MMP26: variants seen among roughly 807,000 people sequenced by gnomAD.
MMP26 encodes the protein matrix metallopeptidase 26, also known as matrix metalloproteinase-26.
In MMP26, 33 loss-of-function variants were observed where a neutral mutation model predicts 31.0. That is an observed-to-expected ratio of 1.06 (90% CI 0.81 to 1.42). The LOEUF is 1.42. Ranked by LOEUF, MMP26 falls within the 40% of genes most tolerant of loss-of-function variation. The pLI is 0.00. For missense variants in MMP26, 347 were observed against 316.1 expected, an observed-to-expected ratio of 1.10 and a Z score of -0.74; for synonymous variants, 122 against 114.9, an observed-to-expected ratio of 1.06 and a Z score of -0.40.
intron 2 of MMP26, among the ~76,000 whole-genome samples, chr11:4,808,663 A>G (rs1036288691): frequency 6.6e-6 from 1 of 151,780 alleles, no homozygotes; most frequent in Non-Finnish European, 1.5e-5. Flanking sequence ...CTGACTCCCC[A>G]GTAGGCTTTT....
chr11:4,786,978 GA>G (rs1848955989), intron 2 of MMP26: 1 of 152,926 alleles, frequency 6.5e-6, no homozygotes, highest in South Asian at 2.1e-4. Flanking sequence ...ACCTGGGGCT[GA>G]CCCTCTCCAC....
chr11:4,971,671 G>T (rs1846667870), intron 2 of MMP26, among the ~76,000 whole-genome samples: 1 of 152,116 alleles, frequency 6.6e-6, no homozygotes. Flanking sequence ...TTGCTGTAAA[G>T]GAAAATGTCT....
chr11:4,991,866 G>A (rs761350128), intron 6 of MMP26, 98 bp from the exon 7 acceptor site: 60 of 1,168,622 alleles, frequency 5.1e-5, no homozygotes, highest in South Asian at 1.3e-4. Context: ...CCCTTTCCTC[G>A]TTTTCTGTTC....
intron 2 of MMP26, among the ~76,000 whole-genome samples, chr11:4,786,493 CTTTTTTTT>C (rs66987352): frequency 1.7e-5 from 1 of 60,368 alleles, no homozygotes; most frequent in African/African-American, 6.8e-5. Flanking sequence ...TCTGCTGATC[CTTTTTTTT>C]TTTTTTTTTT....
intron 2 of MMP26, among the ~76,000 whole-genome samples, chr11:4,986,836 T>TTGAACAGC (rs1846897603): frequency 1.3e-5 from 2 of 148,854 alleles, no homozygotes; most frequent in Admixed American, 6.7e-5. Context: ...CCTGGCCTAG[T>TTGAACAGC]TGAACAGCTT....
chr11:4,901,925 A>T (rs1850808686), intron 2 of MMP26, among the ~76,000 whole-genome samples: 1 of 152,198 alleles, frequency 6.6e-6, no homozygotes. Flanking sequence ...TAGAAGATGG[A>T]AGAGAATATA....
chr11:4,707,779 C>G (rs1847799546), intron 1 of MMP26, among the ~76,000 whole-genome samples: 1 of 152,218 alleles, frequency 6.6e-6, no homozygotes, highest in Non-Finnish European at 1.5e-5. Flanking sequence ...TCACTATTTT[C>G]AGAAGCAGTT....
chr11:4,949,904 A>T (rs1426812558), intron 2 of MMP26, among the ~76,000 whole-genome samples: 1 of 123,154 alleles, frequency 8.1e-6, no homozygotes, highest in East Asian at 2.3e-4. Context: ...CATTTCAGGT[A>T]CCCAGAATAT....
At chr11:4,836,970 C>A (rs1589915699) in intron 2 of MMP26, among the ~76,000 whole-genome samples, 1 of 151,872 alleles carries the variant, frequency 6.6e-6, no homozygotes, top group African/African-American at 2.4e-5. Flanking sequence ...TTTTTTAGAG[C>A]AATATATGAA....
At chr11:4,733,094 C>T (rs1848195513) in intron 1 of MMP26, among the ~76,000 whole-genome samples, 1 of 152,146 alleles carries the variant, frequency 6.6e-6, no homozygotes, top group Admixed American at 6.5e-5. Context: ...TATGCAACAC[C>T]CAACTTTGCT....
At chr11:4,817,945 A>G (rs373711894) in intron 2 of MMP26, among the ~76,000 whole-genome samples, 1 of 152,170 alleles carries the variant, frequency 6.6e-6, no homozygotes, top group Non-Finnish European at 1.5e-5. Context: ...AGCATGAGAA[A>G]GAGCAGACCA....
intron 2 of MMP26, among the ~76,000 whole-genome samples, chr11:4,814,028 G>T (rs1235707490): frequency 6.6e-6 from 1 of 152,120 alleles, no homozygotes; most frequent in Admixed American, 6.5e-5. Flanking sequence ...ATATGAAAAG[G>T]TTTATTATTA....
intron 2 of MMP26, among the ~76,000 whole-genome samples, chr11:4,841,560 C>A (rs1849796565): frequency 6.6e-6 from 1 of 152,086 alleles, no homozygotes; most frequent in Non-Finnish European, 1.5e-5. Context: ...GTGAAAATAT[C>A]TTTAAAAGAT....
At chr11:4,926,501 G>GTA (rs1216635326) in intron 2 of MMP26, among the ~76,000 whole-genome samples, 2 of 152,152 alleles carry the variant, frequency 1.3e-5, no homozygotes, top group East Asian at 3.9e-4. Flanking sequence ...TTAAATATAT[G>GTA]TATGACTTTT....
chr11:4,706,130 T>G (rs1275592999), intron 1 of MMP26, among the ~76,000 whole-genome samples: 1 of 152,178 alleles, frequency 6.6e-6, no homozygotes, highest in Non-Finnish European at 1.5e-5. Flanking sequence ...TCAGATTCAG[T>G]GAAGTAAATT....
At chr11:4,861,632 A>G (rs1012651146) in intron 2 of MMP26, among the ~76,000 whole-genome samples, 1 of 151,976 alleles carries the variant, frequency 6.6e-6, no homozygotes, top group Non-Finnish European at 1.5e-5. Context: ...ACAGTTTATA[A>G]TTTTCCATAG....
chr11:4,828,681 T>C (rs1047415781), intron 2 of MMP26, among the ~76,000 whole-genome samples: 3 of 152,172 alleles, frequency 2.0e-5, no homozygotes, highest in Non-Finnish European at 4.4e-5. Context: ...ATTAGGATAA[T>C]CTAACTAGGT....
chr11:4,987,480 G>A (rs1472216565), intron 2 of MMP26, among the ~76,000 whole-genome samples: 9 of 151,484 alleles, frequency 5.9e-5, no homozygotes, highest in Non-Finnish European at 8.8e-5. Context: ...GTGCAGTGGC[G>A]CGATCTCGGC....
In MMP26 at chr11:4,974,377, A is replaced by T. The variant is rs371184823; in HGVS notation, c.-144-13691A>T. On this transcript the variant is annotated intron_variant, in intron 2 of 7. Coordinates refer to ENST00000380390, the MANE Select transcript of MMP26 (RefSeq NM_021801.5). Reference sequence around the variant, plus strand: ...AACATTTACATAAAATTCAAAAAAAAATATATGTATATAGTGTCTTCGTTG... The same window carrying T: ...AACATTTACATAAAATTCAAAAAAATATATATGTATATAGTGTCTTCGTTG... Among the ~76,000 whole-genome samples the T allele has an allele frequency of 5.8e-4, 88 of 152,136 alleles. No individual in the cohort carries two copies. In the South Asian group the frequency reaches 0.012, roughly 21 times the overall value.
Sources: gnomAD v4.1 joint callset for allele counts (sites outside exome capture counted in the v4.1 genomes callset) on GRCh38, gnomAD v4.1.1 for gene constraint, MANE v1.5 for transcripts, NCBI Gene and HGNC (gene_info 2026-07-23, HGNC 2026-07-21) for gene names.